CPPED1: variants seen among roughly 807,000 people sequenced by gnomAD.
The protein encoded by CPPED1 is serine/threonine-protein phosphatase CPPED1.
In CPPED1, 28 loss-of-function variants were observed where a neutral mutation model predicts 28.0. The observed-to-expected ratio is 1.00, with a 90% CI of 0.74 to 1.37. CPPED1 has a LOEUF of 1.37. Ranked by LOEUF, CPPED1 falls within the 40% of genes most tolerant of loss-of-function variation. The pLI is 0.00. For missense variants in CPPED1, 504 were observed against 416.5 expected, an observed-to-expected ratio of 1.21 and a Z score of -1.83; for synonymous variants, 198 against 180.2, an observed-to-expected ratio of 1.10 and a Z score of -0.79.
intron 2 of CPPED1, among the ~76,000 whole-genome samples, chr16:12,736,099 G>A (rs2080225463): frequency 6.6e-6 from 1 of 152,180 alleles, no homozygotes; most frequent in Admixed American, 6.5e-5. Context: ...TTGTAAGGGT[G>A]AGCAGGGCAT....
intron 2 of CPPED1, among the ~76,000 whole-genome samples, chr16:12,741,342 C>A (rs2080254297): frequency 7.0e-6 from 1 of 143,066 alleles, no homozygotes; most frequent in Admixed American, 7.4e-5. Context: ...CCGAGACAGA[C>A]TTGTTTATCG....
chr16:12,755,126 A>C (rs1027511617), intron 2 of CPPED1, among the ~76,000 whole-genome samples: 3 of 152,172 alleles, frequency 2.0e-5, no homozygotes, highest in African/African-American at 7.2e-5. Flanking sequence ...TTCCTCCTGG[A>C]CATAAAGTGG....
intron 2 of CPPED1, among the ~76,000 whole-genome samples, chr16:12,740,120 G>A (rs1467027629): frequency 1.3e-5 from 2 of 151,542 alleles, no homozygotes; most frequent in Non-Finnish European, 3.0e-5. Flanking sequence ...GGAAAGAAAG[G>A]AAAGAAAGAG....
At chr16:12,686,243 T>A (rs9921800) in intron 3 of CPPED1, among the ~76,000 whole-genome samples, 5,484 of 91,564 alleles carry the variant, frequency 0.06, 267 homozygotes, top group Admixed American at 0.17. Flanking sequence ...ATATATATAT[T>A]TTTTTTTTTG....
chr16:12,765,399 G>T (rs966718709), intron 2 of CPPED1, among the ~76,000 whole-genome samples: 2 of 152,178 alleles, frequency 1.3e-5, no homozygotes, highest in Non-Finnish European at 2.9e-5. Flanking sequence ...AGCAACTCTT[G>T]TTGAATCTGT....
chr16:12,800,402 A>C (rs2080651999), intron 1 of CPPED1, among the ~76,000 whole-genome samples: 1 of 150,272 alleles, frequency 6.7e-6, no homozygotes, highest in Non-Finnish European at 1.5e-5. Flanking sequence ...ACTGCACTGC[A>C]GTCTGGGTGA....
In CPPED1 at chr16:12,709,885, G is replaced by A. The variant is rs1312435620; in HGVS notation, c.290-4836C>T. ...GGCAGGCAGGCAGTCAGGGAAGGAA[G>A]GGAAGGAAGGGAAAGACGGGGGGAA... On this transcript the variant is annotated intron_variant, in intron 2 of 3. Coordinates refer to ENST00000381774, the MANE Select transcript of CPPED1 (RefSeq NM_018340.3). This position sits in a 1 kb window ranked among gnomAD's most constrained non-coding sequence, Gnocchi z 4.4. Among the ~76,000 whole-genome samples, 2 of 147,204 alleles carry A rather than the reference G, an allele frequency of 1.4e-5. No homozygotes were observed. Among genetic ancestry groups the A allele is most frequent in the Admixed American group, 6.9e-5 (1 of 14,450 alleles).
chr16:12,742,406 A>C (rs8058253), intron 2 of CPPED1, among the ~76,000 whole-genome samples: 80,046 of 152,050 alleles, frequency 0.53, 21,561 homozygotes, highest in Admixed American at 0.62. Context: ...TAAAGGAATT[A>C]CAAATGTTCC....
chr16:12,690,245 C>T (rs1233534231), intron 3 of CPPED1, among the ~76,000 whole-genome samples: 3 of 152,160 alleles, frequency 2.0e-5, no homozygotes, highest in Admixed American at 1.3e-4. Context: ...AGTGTGGTGG[C>T]TCATGCGTAT....
rs746686041 is a variant in CPPED1 at position 12,660,068 on chromosome 16, C to A, written c.*4818G>T. ...CATGGGGATTATGGGGATTACAATTCGAGATGAGATTTCAGTGGGGACACA... is the reference window on the plus strand; with the variant it reads ...CATGGGGATTATGGGGATTACAATTAGAGATGAGATTTCAGTGGGGACACA... On this transcript the variant is annotated 3_prime_UTR_variant, in exon 4 of 4. Transcript: ENST00000381774. 6 of 152,192 alleles carry A rather than the reference C, an allele frequency of 3.9e-5. No homozygotes were observed. Among genetic ancestry groups the A allele is most frequent in the Non-Finnish European group, 8.8e-5 (6 of 68,058 alleles). 9.4% of individuals were successfully genotyped at this position (152,192 alleles called of 1,614,324 possible). A position where few individuals can be genotyped will look rare whatever the true frequency, so the allele number is the denominator to read the frequency against.
intron 2 of CPPED1, among the ~76,000 whole-genome samples, chr16:12,751,563 A>G (rs1228713938): frequency 6.6e-6 from 1 of 152,228 alleles, no homozygotes; most frequent in Non-Finnish European, 1.5e-5. Flanking sequence ...GACAACAGCC[A>G]TACCCTAAAG....
intron 3 of CPPED1, among the ~76,000 whole-genome samples, chr16:12,685,807 G>A (rs931329102): frequency 1.3e-5 from 2 of 152,204 alleles, no homozygotes; most frequent in Admixed American, 1.3e-4. Context: ...AGGAACCCAG[G>A]TCTGGATATG....
At chr16:12,769,085 G>A (rs1419038409) in intron 2 of CPPED1, among the ~76,000 whole-genome samples, 1 of 151,842 alleles carries the variant, frequency 6.6e-6, no homozygotes, top group African/African-American at 2.4e-5. Context: ...GGTTGGTCTT[G>A]AACTCCTGAC....
At position 12,733,519 on chromosome 16, in the gene CPPED1, C is replaced by T. The variant is rs190702100; in HGVS notation, c.290-28470G>A. Among the ~76,000 whole-genome samples the T allele has an allele frequency of 1.3e-3, 199 of 152,254 alleles. 1 individual carries two copies. The highest frequency in any genetic ancestry group is 6.8e-3 in the Middle Eastern group (2 of 294). On this transcript the variant is annotated intron_variant, in intron 2 of 3. Coordinates refer to ENST00000381774, the MANE Select transcript of CPPED1 (RefSeq NM_018340.3). ...TGAACTTGTGACCTCAGGTGATCCG[C>T]CCGCCTTGGCCTCCCAAAGTGCTGG...
rs1201078293 is a variant in CPPED1 at position 12,726,449 on chromosome 16, T to C, written c.290-21400A>G. Reference sequence around the variant, plus strand: ...TCTCTACCTCCTGGGTTCAAGCGATTCTCCTACCTCAGCCTCCCAAGTAGC... The same window carrying C: ...TCTCTACCTCCTGGGTTCAAGCGATCCTCCTACCTCAGCCTCCCAAGTAGC... On this transcript the variant is annotated intron_variant, in intron 2 of 3. Transcript: ENST00000381774. 3.4e-5 allele frequency among the ~76,000 whole-genome samples: 5 copies of C among 148,386 alleles called. No individual in the cohort carries two copies. The South Asian group carries it at 8.7e-4, about 26-fold the overall frequency.
intron 2 of CPPED1, among the ~76,000 whole-genome samples, chr16:12,727,284 A>G (rs1420109360): frequency 2.6e-5 from 4 of 152,188 alleles, no homozygotes; most frequent in South Asian, 2.1e-4. Flanking sequence ...GTAACACTCA[A>G]TGATCAAATC....
At chr16:12,766,500 G>A (rs1264508540) in intron 2 of CPPED1, among the ~76,000 whole-genome samples, 5 of 152,018 alleles carry the variant, frequency 3.3e-5, no homozygotes, top group Admixed American at 6.6e-5. Flanking sequence ...ATCAGATCTC[G>A]TAGTATGGGG....
intron 2 of CPPED1, among the ~76,000 whole-genome samples, chr16:12,769,829 T>C (rs1045995139): frequency 2.0e-5 from 3 of 152,210 alleles, no homozygotes; most frequent in Admixed American, 6.5e-5. Flanking sequence ...CTTGCACGCA[T>C]AGAACTCCCT....
chr16:12,734,794 C>T (rs1452632974), intron 2 of CPPED1, among the ~76,000 whole-genome samples: 1 of 152,100 alleles, frequency 6.6e-6, no homozygotes, highest in Non-Finnish European at 1.5e-5. Flanking sequence ...CATGGTCTCC[C>T]CACAGGAACA....
Sources: gnomAD v4.1 joint callset for allele counts (sites outside exome capture counted in the v4.1 genomes callset) on GRCh38, gnomAD v4.1.1 for gene constraint, Gnocchi (gnomAD v3.1) non-coding constraint, MANE v1.5 for transcripts, NCBI Gene and HGNC (gene_info 2026-07-23, HGNC 2026-07-21) for gene names.